The following TCF4 variants were observed in gnomAD, a reference collection of about 807,000 sequenced individuals.
TCF4 encodes the protein SL3-3 enhancer factor 2.
A neutral mutation model predicts 82.1 loss-of-function variants in TCF4; 3 were observed. The ratio of observed to expected loss-of-function variants is 0.04; its 90% CI spans 0.02 to 0.09. The LOEUF is 0.09. TCF4 is among the 10% of genes least tolerant of loss of function. TCF4 has a pLI of 1.00. For synonymous variants in TCF4, 276 were observed against 309.6 expected, an observed-to-expected ratio of 0.89 and a Z score of 1.14; for missense variants, 518 against 852.7, an observed-to-expected ratio of 0.61 and a Z score of 4.89.
At chr18:55,620,816 G>A (rs2097717133) in intron 2 of TCF4, among the ~76,000 whole-genome samples, 1 of 141,386 alleles carries the variant, frequency 7.1e-6, no homozygotes, top group South Asian at 2.2e-4. Flanking sequence ...TTTTTTTTTG[G>A]TTCTTGCAGG....
chr18:55,232,879 G>T (rs2048299342), intron 16 of TCF4, among the ~76,000 whole-genome samples: 1 of 152,098 alleles, frequency 6.6e-6, no homozygotes, highest in Admixed American at 6.6e-5. Context: ...ATTCTATTTT[G>T]CAATCTTTTG....
chr18:55,393,458 T>C (rs2093303069), intron 6 of TCF4, among the ~76,000 whole-genome samples: 1 of 152,204 alleles, frequency 6.6e-6, no homozygotes, highest in Non-Finnish European at 1.5e-5. Flanking sequence ...TTCCTCTTCA[T>C]ATTACTTCCT....
chr18:55,622,724 T>C (rs2097722641), intron 2 of TCF4, among the ~76,000 whole-genome samples: 1 of 152,144 alleles, frequency 6.6e-6, no homozygotes. Flanking sequence ...TCCATCCAGA[T>C]GCTCTTTCCA....
At chr18:55,503,429 A>G (rs1369458130) in intron 3 of TCF4, among the ~76,000 whole-genome samples, 1 of 152,170 alleles carries the variant, frequency 6.6e-6, no homozygotes, top group African/African-American at 2.4e-5. Flanking sequence ...ATATTATTTC[A>G]TTCATTCTCA....
chr18:55,315,072 G>A (rs927371274), intron 8 of TCF4, among the ~76,000 whole-genome samples: 3 of 152,128 alleles, frequency 2.0e-5, no homozygotes, highest in Admixed American at 2.0e-4. Context: ...CTCTCAAGAT[G>A]AGTGTAATTT....
intron 6 of TCF4, among the ~76,000 whole-genome samples, chr18:55,376,797 T>C (rs535700773): frequency 6.6e-6 from 1 of 152,368 alleles, no homozygotes; most frequent in Non-Finnish European, 1.5e-5. Flanking sequence ...AATATGTTCC[T>C]GCTGTTTAAC....
At chr18:55,562,542 A>T (rs569730621) in intron 3 of TCF4, among the ~76,000 whole-genome samples, 2 of 152,202 alleles carry the variant, frequency 1.3e-5, no homozygotes, top group South Asian at 4.1e-4. Context: ...TCCCCTCACA[A>T]CTGGGCAGCC....
chr18:55,229,457 C>T (rs192225285), intron 17 of TCF4: 311 of 234,668 alleles, frequency 1.3e-3, no homozygotes, highest in Non-Finnish European at 2.0e-3. Context: ...TGCATAACCA[C>T]GCTTCAAAAA....
chr18:55,621,371 AACTTATGGGGTACTGCCTGG>A (rs2097717877), intron 2 of TCF4, among the ~76,000 whole-genome samples: 2 of 132,562 alleles, frequency 1.5e-5, no homozygotes, highest in South Asian at 2.2e-4. Flanking sequence ...ACTTTCTTTA[AACTTATGGGGTACTGCCTGG>A]TATATGGGGT....
chr18:55,409,580 A>C (rs1236276014), intron 5 of TCF4, among the ~76,000 whole-genome samples: 1 of 152,142 alleles, frequency 6.6e-6, no homozygotes, highest in African/African-American at 2.4e-5. Flanking sequence ...TTTTGTGTCT[A>C]TTAATACAAG....
chr18:55,580,384 T>C (rs1368617207), intron 3 of TCF4, among the ~76,000 whole-genome samples: 1 of 151,992 alleles, frequency 6.6e-6, no homozygotes, highest in East Asian at 1.9e-4. Context: ...TCAGGCTTGG[T>C]TACCTCAAAT....
chr18:55,566,121 G>A (rs1259163304), intron 3 of TCF4, among the ~76,000 whole-genome samples: 5 of 152,098 alleles, frequency 3.3e-5, no homozygotes, highest in African/African-American at 1.2e-4. Flanking sequence ...GCTGAGGCAG[G>A]AGAATGGTGT....
At chr18:55,243,474 T>A (rs1219736394) in intron 15 of TCF4, among the ~76,000 whole-genome samples, 1 of 152,218 alleles carries the variant, frequency 6.6e-6, no homozygotes, top group Non-Finnish European at 1.5e-5. Flanking sequence ...AGTTTCCATA[T>A]GACCAGTGGC....
Position 55,445,180 on chromosome 18 carries a change from C to T in TCF4, c.304+15839G>A, listed in dbSNP as rs770817988. ...ATCAATCCTTGAGTAGTTTACCACA[C>T]GCTTCATTGAAAATCTGACATCTTC... On this transcript the variant is annotated intron_variant, in intron 5 of 19. Coordinates refer to ENST00000354452, the MANE Select transcript of TCF4 (RefSeq NM_001083962.2). 9.2e-5 allele frequency among the ~76,000 whole-genome samples: 14 copies of T among 152,216 alleles called. No individual in the cohort carries two copies. In the East Asian group the frequency reaches 1.2e-3, roughly 13 times the overall value.
intron 8 of TCF4, among the ~76,000 whole-genome samples, chr18:55,282,206 C>G (rs1047284660): frequency 1.3e-5 from 2 of 151,908 alleles, no homozygotes; most frequent in African/African-American, 2.4e-5. Flanking sequence ...TCACATATAA[C>G]TATACTTTTT....
At chr18:55,524,905 T>TA (rs1220220067) in intron 3 of TCF4, among the ~76,000 whole-genome samples, 1 of 152,200 alleles carries the variant, frequency 6.6e-6, no homozygotes, top group African/African-American at 2.4e-5. Context: ...TAAAAAGGAA[T>TA]AATACTCTGA....
chr18:55,228,512 G>T, intron 18 of TCF4, 151 bp from the exon 19 acceptor site: 1 of 1,127,514 alleles, frequency 8.9e-7, no homozygotes, highest in Non-Finnish European at 1.3e-6. Context: ...CAATCCATTT[G>T]GTCAGTCACT....
intron 8 of TCF4, among the ~76,000 whole-genome samples, chr18:55,300,455 C>T (rs1245692156): frequency 6.6e-6 from 1 of 151,176 alleles, no homozygotes; most frequent in Non-Finnish European, 1.5e-5. Flanking sequence ...GGGGGAGGGG[C>T]TGGATGATGA....
At chr18:55,402,092 A>G (rs180908396) in intron 6 of TCF4, 1 of 985,382 alleles carries the variant, frequency 1.0e-6, no homozygotes, top group East Asian at 1.1e-4. Context: ...AATGGCTGTA[A>G]ATTTCTTTCC....
Sources: allele counts gnomAD v4.1 joint callset (sites outside exome capture counted in the v4.1 genomes callset), GRCh38; gene constraint gnomAD v4.1.1; transcripts MANE v1.5; gene names NCBI Gene and HGNC (gene_info 2026-07-23, HGNC 2026-07-21).